Variants in SPATA17 observed in about 807,000 individuals in gnomAD.
SPATA17 encodes the protein spermatogenesis-associated protein 17.
In SPATA17, 53 loss-of-function variants were observed where a neutral mutation model predicts 62.2. The observed-to-expected ratio is 0.85, with a 90% CI of 0.68 to 1.07. The LOEUF is 1.07. SPATA17 is among the 50% of genes least tolerant of loss of function. SPATA17 has a pLI of 0.00. For missense variants in SPATA17, 466 were observed against 425.5 expected (o/e 1.10, Z -0.84); for synonymous variants, 146 against 146.8 (o/e 0.99, Z 0.04).
rs181214205 is a variant in SPATA17, at chr1:217,756,996, T to C, written c.519+14898T>C. The stretch of plus-strand genomic sequence containing the variant: ...AGCAATGTTTCTTTTACTTAATGAA[T>C]ACTCATGACAGTTAAAAACTGAGCT... On this transcript the variant is annotated intron_variant, in intron 6 of 10. Transcript: ENST00000366933. Among the ~76,000 whole-genome samples, 872 of 152,332 alleles carry C rather than the reference T, an allele frequency of 5.7e-3. 2 individuals are homozygous for C. Among genetic ancestry groups the C allele is most frequent in the Middle Eastern group, 0.01 (3 of 294 alleles).
At chr1:217,706,719 A>C (rs1177754101) in intron 5 of SPATA17, among the ~76,000 whole-genome samples, 2 of 152,140 alleles carry the variant, frequency 1.3e-5, no homozygotes, top group South Asian at 2.1e-4. Context: ...CTAATACACT[A>C]TCCGTGAGCA....
chr1:217,684,274 C>T (rs575899708), intron 5 of SPATA17, among the ~76,000 whole-genome samples: 2 of 151,838 alleles, frequency 1.3e-5, no homozygotes, highest in Admixed American at 6.6e-5. Flanking sequence ...TGTGATATGC[C>T]CCATTCTAAT....
chr1:217,632,298 T>C (rs926493601), intron 1 of SPATA17, among the ~76,000 whole-genome samples: 4 of 152,166 alleles, frequency 2.6e-5, no homozygotes, highest in African/African-American at 9.7e-5. Flanking sequence ...AGAAAACCAC[T>C]AGCAGTCTTC....
chr1:217,794,800 C>A (rs140721241), intron 8 of SPATA17, among the ~76,000 whole-genome samples: 1 of 152,224 alleles, frequency 6.6e-6, no homozygotes, highest in African/African-American at 2.4e-5. Context: ...ACAACAGAGC[C>A]CCTGACTTAT....
At chr1:217,698,375 A>G (rs1571739389) in intron 5 of SPATA17, among the ~76,000 whole-genome samples, 2 of 152,154 alleles carry the variant, frequency 1.3e-5, no homozygotes, top group East Asian at 3.9e-4. Context: ...CGGAGTTTGC[A>G]GTGAGCTGAG....
At chr1:217,649,084 TGTA>T (rs1670251636) in intron 2 of SPATA17, 113 bp downstream of exon 2, 4 of 669,516 alleles carry the variant, frequency 6.0e-6, no homozygotes, top group Non-Finnish European at 9.6e-6. Flanking sequence ...TTACTCATAA[TGTA>T]GTTGATAAAT....
chr1:217,745,828 C>A (rs12136698), intron 6 of SPATA17, among the ~76,000 whole-genome samples: 3 of 151,612 alleles, frequency 2.0e-5, no homozygotes, highest in Non-Finnish European at 4.4e-5. Flanking sequence ...TTATACAGGC[C>A]ATCTCACTGA....
At chr1:217,807,948 A>C (rs534213791) in intron 9 of SPATA17, among the ~76,000 whole-genome samples, 1 of 152,340 alleles carries the variant, frequency 6.6e-6, no homozygotes, top group South Asian at 2.1e-4. Context: ...AGAAAAACCC[A>C]GTCAAAGTGT....
intron 3 of SPATA17, among the ~76,000 whole-genome samples, chr1:217,667,526 G>A (rs1255223859): frequency 1.3e-5 from 2 of 152,104 alleles, no homozygotes; most frequent in Non-Finnish European, 2.9e-5. Context: ...TCTAAGAATG[G>A]AAATCAAGAC....
intron 4 of SPATA17, among the ~76,000 whole-genome samples, chr1:217,682,933 T>A (rs1178062109): frequency 2.6e-5 from 4 of 151,796 alleles, no homozygotes; most frequent in Non-Finnish European, 5.9e-5. Context: ...AAAAAAAAAA[T>A]TGATTTGCCC....
At chr1:217,777,647 C>T (rs566615702) in intron 7 of SPATA17, among the ~76,000 whole-genome samples, 13 of 152,278 alleles carry the variant, frequency 8.5e-5, no homozygotes, top group South Asian at 6.2e-4. Context: ...GGTGATCTGC[C>T]TGTCTCGGCC....
At chr1:217,703,526 T>C (rs906854100) in intron 5 of SPATA17, among the ~76,000 whole-genome samples, 12 of 152,184 alleles carry the variant, frequency 7.9e-5, no homozygotes, top group Admixed American at 7.9e-4. Context: ...GTGATGTTGG[T>C]CAAGCTGTCT....
intron 1 of SPATA17, among the ~76,000 whole-genome samples, chr1:217,643,722 A>C (rs551577903): frequency 0.018 from 2,443 of 138,966 alleles, 52 homozygotes; most frequent in African/African-American, 0.054. Context: ...CTCTATATAT[A>C]TATATATATA....
chr1:217,702,032 G>GTATATA (rs10631525), intron 5 of SPATA17, among the ~76,000 whole-genome samples: 1,511 of 147,808 alleles, frequency 0.01, 9 homozygotes, highest in African/African-American at 0.021. Context: ...AAAATTTGGT[G>GTATATA]TATATATATA....
intron 5 of SPATA17, among the ~76,000 whole-genome samples, chr1:217,685,072 T>C (rs1671187362): frequency 6.6e-6 from 1 of 152,140 alleles, no homozygotes; most frequent in Non-Finnish European, 1.5e-5. Flanking sequence ...ACTGGCTGAC[T>C]TTAGCTTGTC....
chr1:217,828,739 C>T (rs878859379), intron 9 of SPATA17, among the ~76,000 whole-genome samples: 1 of 151,922 alleles, frequency 6.6e-6, no homozygotes, highest in Admixed American at 6.6e-5. Context: ...AGAACATTTA[C>T]AACTCAACAG....
chr1:217,854,488 A>G (rs1436652945), intron 9 of SPATA17, among the ~76,000 whole-genome samples: 1 of 152,150 alleles, frequency 6.6e-6, no homozygotes, highest in Non-Finnish European at 1.5e-5. Flanking sequence ...TTCTATTTAA[A>G]TAAAATTTAA....
intron 5 of SPATA17, among the ~76,000 whole-genome samples, chr1:217,707,692 C>T (rs138332599): frequency 5.9e-5 from 9 of 152,302 alleles, no homozygotes; most frequent in African/African-American, 1.9e-4. Context: ...TGACACTTGA[C>T]TAAATGACCT....
intron 9 of SPATA17, among the ~76,000 whole-genome samples, chr1:217,859,041 AT>A (rs1367120678): frequency 2.0e-5 from 3 of 149,612 alleles, no homozygotes; most frequent in African/African-American, 7.3e-5. Context: ...AAATAAATAA[AT>A]AAAATAAAAT....
Sources: allele counts gnomAD v4.1 joint callset (sites outside exome capture counted in the v4.1 genomes callset), GRCh38; gene constraint gnomAD v4.1.1; transcripts MANE v1.5; gene names NCBI Gene and HGNC (gene_info 2026-07-23, HGNC 2026-07-21).